The following TRPM1 variants were observed in gnomAD, a reference collection of about 807,000 sequenced individuals.
TRPM1 encodes the protein transient receptor potential cation channel subfamily M member 1, also known as TRPM1-203 APA Isoform, Intron 10.
Under a neutral mutation model 149.4 loss-of-function variants are expected in TRPM1, and 113 were observed. The observed-to-expected ratio is 0.76, with a 90% CI of 0.65 to 0.88. The LOEUF is 0.88. Ranked by LOEUF, TRPM1 falls within the 40% of genes least tolerant of loss-of-function variation. The pLI, the probability that TRPM1 is intolerant of heterozygous loss-of-function variation, is 0.00. For missense variants in TRPM1, 1,976 were observed against 2,038.7 expected (o/e 0.97, Z 0.59); for synonymous variants, 741 against 759.5 (o/e 0.98, Z 0.40).
intron 4 of TRPM1, 29 bp downstream of exon 4, chr15:31,070,002 G>C (rs779969741): frequency 3.7e-5 from 60 of 1,614,072 alleles, no homozygotes; most frequent in Non-Finnish European, 4.9e-5. Flanking sequence ...TGTGATCCTA[G>C]TGGCACCATG....
intron 1 of TRPM1, among the ~76,000 whole-genome samples, chr15:31,093,083 A>C (rs1276514568): frequency 2.0e-5 from 3 of 152,078 alleles, no homozygotes; most frequent in Admixed American, 2.0e-4. Context: ...CAACATGGTG[A>C]AACCCTGTCT....
chr15:31,087,978 T>A (rs1417318469), intron 1 of TRPM1, among the ~76,000 whole-genome samples: 1 of 152,196 alleles, frequency 6.6e-6, no homozygotes, highest in Non-Finnish European at 1.5e-5. Context: ...ATGGTAAATT[T>A]TATGTTATGT....
rs947162199 is a variant in TRPM1, at chr15:31,066,925, G to A, written c.618+138C>T. ...GTGATCTTGCATTATGGTTTTGCAA[G>A]ATGTTACCATTGGAGGAATGGGAAA... On this transcript the variant is annotated intron_variant, in intron 6 of 27. Coordinates refer to ENST00000256552, the MANE Select transcript of TRPM1 (RefSeq NM_001252024.2). The A allele has an allele frequency of 1.9e-5, 22 of 1,148,472 alleles. No individual in the cohort carries two copies. The East Asian group carries it at 5.0e-4, about 26-fold the overall frequency. 71.1% of individuals were successfully genotyped at this position (1,148,472 alleles called of 1,614,324 possible).
chr15:31,156,702 C>G (rs1206109615), intron 1 of TRPM1, among the ~76,000 whole-genome samples: 1 of 152,168 alleles, frequency 6.6e-6, no homozygotes, highest in African/African-American at 2.4e-5. Flanking sequence ...TAAAGCCAAG[C>G]TCTAACCCAG....
At position 31,028,261 on chromosome 15, in the gene TRPM1, G is replaced by A. The variant is rs544912171; in HGVS notation, c.3293+71C>T. The A allele has an allele frequency of 1.3e-4, 212 of 1,589,738 alleles. 1 individual carries two copies. In the Middle Eastern group the frequency reaches 3.1e-3, roughly 23 times the overall value. Reference sequence around the variant, plus strand: ...GCAAATATATTGGTATCTTGGGAGCGTTCTGAGATTAAATGGAAAATCTGT... The same window carrying A: ...GCAAATATATTGGTATCTTGGGAGCATTCTGAGATTAAATGGAAAATCTGT... On this transcript the variant is annotated intron_variant, in intron 25 of 27. Transcript: ENST00000256552.
intron 1 of TRPM1, among the ~76,000 whole-genome samples, chr15:31,152,889 T>C (rs536686038): frequency 4.6e-5 from 7 of 152,294 alleles, no homozygotes; most frequent in African/African-American, 1.7e-4. Context: ...GTGATCCTCT[T>C]GCCTCAGCCT....
intron 27 of TRPM1, among the ~76,000 whole-genome samples, chr15:31,023,570 T>C (rs1008698656): frequency 2.0e-5 from 3 of 152,026 alleles, no homozygotes; most frequent in African/African-American, 7.2e-5. Flanking sequence ...ACTAGGTGCG[T>C]TGGGGTAGGG....
chr15:31,132,186 G>T (rs1012247518), intron 1 of TRPM1, among the ~76,000 whole-genome samples: 3 of 152,218 alleles, frequency 2.0e-5, no homozygotes, highest in East Asian at 1.9e-4. Flanking sequence ...TGACCCCAAG[G>T]TTGGGCACAA....
intron 1 of TRPM1, among the ~76,000 whole-genome samples, chr15:31,140,188 G>A (rs1245316577): frequency 3.5e-5 from 5 of 141,778 alleles, no homozygotes; most frequent in African/African-American, 7.9e-5. Flanking sequence ...CCAATATGGT[G>A]AAACTCTGTC....
intron 1 of TRPM1, among the ~76,000 whole-genome samples, chr15:31,155,041 A>C (rs1417734958): frequency 6.6e-6 from 1 of 152,178 alleles, no homozygotes; most frequent in East Asian, 1.9e-4. Flanking sequence ...TGTCTCCATG[A>C]ATTGGCTCTG....
chr15:31,120,316 TA>T, intron 1 of TRPM1, among the ~76,000 whole-genome samples: 1 of 151,948 alleles, frequency 6.6e-6, no homozygotes, highest in Non-Finnish European at 1.5e-5. Flanking sequence ...GGACATTACA[TA>T]ATAATAATAA....
intron 27 of TRPM1, among the ~76,000 whole-genome samples, chr15:31,006,591 G>C (rs1458409574): frequency 6.6e-6 from 1 of 152,240 alleles, no homozygotes; most frequent in Non-Finnish European, 1.5e-5. Flanking sequence ...TACAGGTTTT[G>C]TGTGAACATG....
At chr15:31,110,887 TTC>T (rs143831204) in intron 1 of TRPM1, among the ~76,000 whole-genome samples, 8 of 148,912 alleles carry the variant, frequency 5.4e-5, no homozygotes, top group East Asian at 1.9e-4. Context: ...TTCTTTCTCT[TTC>T]TCTCTCTCTC....
intron 13 of TRPM1, among the ~76,000 whole-genome samples, chr15:31,048,294 T>C (rs981896442): frequency 2.0e-5 from 3 of 152,058 alleles, no homozygotes; most frequent in African/African-American, 7.2e-5. Flanking sequence ...TAAATAAGTT[T>C]TTTTCTTGAA....
At position 31,002,807 on chromosome 15, in the gene TRPM1, T is replaced by G. The variant is rs1489834725; in HGVS notation, c.3893A>C (p.His1298Pro). ...AAATAATAACTCTTCTCCGTTAAAA[T>G]GATATCGATACAAGCTGTAGCCATC... ...SADGYSLYRY[H>P]FNGEELLFED... Residue 1298 changes from histidine (H) to proline (P), a missense_variant, in exon 28 of 28, where the codon CAT (histidine) becomes CCT (proline). This residue lies in a region of TRPM1 where 572 missense variants were observed against 578.9 expected (regional missense o/e 0.99). Coordinates refer to ENST00000256552, the MANE Select transcript of TRPM1 (RefSeq NM_001252024.2). 6.2e-7 allele frequency: 1 copy of G among 1,614,090 alleles called. No homozygotes were observed. The highest frequency in any genetic ancestry group is 1.3e-5 in the African/African-American group (1 of 74,926).
chr15:31,124,865 C>T (rs1469715552), intron 1 of TRPM1, among the ~76,000 whole-genome samples: 1 of 152,050 alleles, frequency 6.6e-6, no homozygotes, highest in Non-Finnish European at 1.5e-5. Flanking sequence ...GGATACCTGA[C>T]ATTAAGTTTT....
intron 1 of TRPM1, among the ~76,000 whole-genome samples, chr15:31,113,529 C>CATT (rs1231063215): frequency 1.6e-4 from 25 of 151,618 alleles, no homozygotes; most frequent in African/African-American, 6.1e-4. Context: ...TGTCAAAAAA[C>CATT]ATTTTTCTTT....
chr15:31,068,035 CT>C lies in TRPM1; in HGVS notation c.336del (p.Asp113IlefsTer10), dbSNP rs777916333. ...KPDSLLHLMV[K>X]DWQLELPKLL... ...AGCTTGGGGAGTTCCAGCTGCCAAT[CT>C]TTCACCATGAGATGGAGCAGTGAGT... On this transcript the variant is annotated frameshift_variant, in exon 5 of 28. Coordinates refer to ENST00000256552, the MANE Select transcript of TRPM1 (RefSeq NM_001252024.2). LOFTEE classifies it high-confidence loss of function. The C allele has an allele frequency of 8.7e-6, 14 of 1,614,088 alleles. No individual in the cohort carries two copies. In the East Asian group the frequency reaches 3.1e-4, roughly 36 times the overall value.
At chr15:31,021,814 G>C (rs2032561475) in intron 27 of TRPM1, among the ~76,000 whole-genome samples, 1 of 151,806 alleles carries the variant, frequency 6.6e-6, no homozygotes, top group Admixed American at 6.6e-5. Context: ...TATAGGTTTA[G>C]CTCATCTAAG....
Sources: allele counts gnomAD v4.1 joint callset (sites outside exome capture counted in the v4.1 genomes callset), GRCh38; gene constraint gnomAD v4.1.1; regional missense constraint gnomAD v4.1.1; transcripts MANE v1.5; gene names NCBI Gene and HGNC (gene_info 2026-07-23, HGNC 2026-07-21).